DNAAF19: variants seen among roughly 807,000 people sequenced by gnomAD.
DNAAF19 encodes the protein coiled-coil domain containing 103.
At chr17:44,904,547 T>C in the DNAAF19 span, 1 of 1,550,580 alleles carries the variant, frequency 6.4e-7, no homozygotes, top group Non-Finnish European at 8.7e-7. Context: ...TCGGAGCTGC[T>C]TAGTACCCTG....
chr17:44,905,259 G>T, the DNAAF19 span: 3 of 596,238 alleles, frequency 5.0e-6, no homozygotes, highest in Non-Finnish European at 9.1e-6. Flanking sequence ...GCCTGAGGCT[G>T]GTGGGAGATT....
the DNAAF19 span, chr17:44,902,475 A>G: frequency 1.2e-6 from 2 of 1,614,218 alleles, no homozygotes; most frequent in Non-Finnish European, 1.7e-6. Flanking sequence ...TTGGGGGTCC[A>G]AGGCTCGGCT....
At chr17:44,901,613 G>C in the DNAAF19 span, 1 of 1,614,172 alleles carries the variant, frequency 6.2e-7, no homozygotes, top group Non-Finnish European at 8.5e-7. Flanking sequence ...ACACTATTCA[G>C]GGAAGGACCT....
At chr17:44,904,397 A>G in the DNAAF19 span, 2 of 1,542,560 alleles carry the variant, frequency 1.3e-6, no homozygotes, top group African/African-American at 2.7e-5. Context: ...GCAGTGGCGC[A>G]TCGGCCTCTG....
the DNAAF19 span, chr17:44,904,341 C>T: frequency 6.5e-7 from 1 of 1,542,096 alleles, no homozygotes; most frequent in Non-Finnish European, 8.8e-7. Context: ...GTCTTCACCA[C>T]CTTCTGGGAA....
chr17:44,904,771 G>A, the DNAAF19 span: 1 of 1,550,694 alleles, frequency 6.4e-7, no homozygotes, highest in Non-Finnish European at 8.7e-7. Flanking sequence ...AGTACCTGAA[G>A]GGTGTCAACA....
chr17:44,903,792 G>A, the DNAAF19 span: 1 of 1,524,056 alleles, frequency 6.6e-7, no homozygotes, highest in Admixed American at 2.1e-5. Context: ...TAATGCCCTG[G>A]TTTTGCCCTG....
chr17:44,904,198 C>T, the DNAAF19 span: 95 of 1,550,470 alleles, frequency 6.1e-5, no homozygotes, highest in Non-Finnish European at 7.6e-5. Context: ...CAGGCCTGTA[C>T]TTCTGCGGCA....
At chr17:44,901,814 C>T in the DNAAF19 span, among the ~76,000 whole-genome samples, 3 of 152,008 alleles carry the variant, frequency 2.0e-5, no homozygotes, top group Non-Finnish European at 4.4e-5. Flanking sequence ...CCTCCAATCC[C>T]AGAAAGAAAA....
At chr17:44,902,436 G>C in the DNAAF19 span, 23 of 1,614,242 alleles carry the variant, frequency 1.4e-5, no homozygotes, top group East Asian at 1.3e-4. Context: ...TGCCAAGTGG[G>C]CCAGAGCGCT....
At chr17:44,904,669 A>G in the DNAAF19 span, 1 of 1,550,504 alleles carries the variant, frequency 6.4e-7, no homozygotes, top group South Asian at 1.2e-5. Context: ...ACCAGCAGAG[A>G]CTGGGCCATG....
chr17:44,904,882 A>G, the DNAAF19 span: 1 of 1,550,616 alleles, frequency 6.4e-7, no homozygotes, highest in Non-Finnish European at 8.7e-7. Flanking sequence ...AGGGTGTGCT[A>G]GTTGCTGGCT....
chr17:44,904,723 G>A, the DNAAF19 span: 74 of 1,550,448 alleles, frequency 4.8e-5, no homozygotes, highest in Non-Finnish European at 5.9e-5. Context: ...AGCATGCAGT[G>A]GCCTGGGACA....
chr17:44,905,242 T>G, the DNAAF19 span: 1 of 615,726 alleles, frequency 1.6e-6, no homozygotes, highest in South Asian at 2.1e-5. Context: ...ATCTGAGAAG[T>G]GGAGGGGCCT....
the DNAAF19 span, chr17:44,904,807 C>T: frequency 7.1e-6 from 11 of 1,550,702 alleles, no homozygotes; most frequent in Middle Eastern, 1.7e-4. Context: ...TCATTGACCA[C>T]GGCAACCAGC....
chr17:44,901,369 G>A, the DNAAF19 span: 4 of 1,028,266 alleles, frequency 3.9e-6, no homozygotes, highest in Non-Finnish European at 5.7e-6. Context: ...ACACATGTGA[G>A]GTGCTTGAAA....
At chr17:44,903,926 C>T in the DNAAF19 span, 48 of 1,550,430 alleles carry the variant, frequency 3.1e-5, no homozygotes, top group African/African-American at 5.5e-5. Context: ...GACCCCCTGC[C>T]CTGCTTTCCT....
the DNAAF19 span, chr17:44,903,375 T>C: frequency 8.0e-7 from 1 of 1,248,872 alleles, no homozygotes; most frequent in Non-Finnish European, 1.0e-6. Context: ...CCAGCCAGCC[T>C]CCCGGATGGC....
At chr17:44,903,847 C>T in the DNAAF19 span, 1 of 1,546,446 alleles carries the variant, frequency 6.5e-7, no homozygotes, top group Non-Finnish European at 8.7e-7. Flanking sequence ...TGGCCCTCAC[C>T]ACTGTGCTCC....
Sources: gnomAD v4.1 joint callset for allele counts (sites outside exome capture counted in the v4.1 genomes callset) on GRCh38, gnomAD v4.1.1 for gene constraint, MANE v1.5 for transcripts, NCBI Gene and HGNC (gene_info 2026-07-23, HGNC 2026-07-21) for gene names.